UTP11: variants seen among roughly 807,000 people sequenced by gnomAD.
UTP11 encodes the protein probable U3 small nucleolar RNA-associated protein 11.
A neutral mutation model predicts 39.0 loss-of-function variants in UTP11; 29 were observed. The ratio of observed to expected loss-of-function variants is 0.74; its 90% CI spans 0.55 to 1.01. UTP11 has a LOEUF of 1.01. Among genes scored for constraint, UTP11 ranks in the 50% least tolerant of loss-of-function variants. The pLI is 0.00. For missense variants in UTP11, 281 were observed against 306.0 expected, an observed-to-expected ratio of 0.92 and a Z score of 0.61; for synonymous variants, 111 against 105.0, an observed-to-expected ratio of 1.06 and a Z score of -0.35.
intron 4 of UTP11, 85 bp from the exon 5 acceptor site, chr1:38,018,972 GAA>G: frequency 8.8e-7 from 1 of 1,137,440 alleles, no homozygotes; most frequent in Non-Finnish European, 1.2e-6. Context: ...ATAATGATGT[GAA>G]ATGGTTTAAA....
chr1:38,014,929 C>T (rs1646699861), intron 1 of UTP11, among the ~76,000 whole-genome samples: 1 of 152,160 alleles, frequency 6.6e-6, no homozygotes, highest in Non-Finnish European at 1.5e-5. Flanking sequence ...CAAGTGTGAG[C>T]CTGGCCTTAA....
At chr1:38,019,725 C>A (rs566595789) in intron 6 of UTP11, among the ~76,000 whole-genome samples, 1 of 152,132 alleles carries the variant, frequency 6.6e-6, no homozygotes, top group Non-Finnish European at 1.5e-5. Context: ...CTCAGTTGAT[C>A]TGCCTGCCTT....
chr1:38,021,721 T>A (rs1286890836), intron 6 of UTP11, among the ~76,000 whole-genome samples: 1 of 152,030 alleles, frequency 6.6e-6, no homozygotes, highest in Non-Finnish European at 1.5e-5. Context: ...AGTGAAACCC[T>A]GTCTCTACTA....
At chr1:38,016,217 A>T in intron 1 of UTP11, 142 bp from the exon 2 acceptor site, 1 of 779,928 alleles carries the variant, frequency 1.3e-6, no homozygotes, top group Non-Finnish European at 2.1e-6. Flanking sequence ...TGGGGAGGGG[A>T]GGGAACAGGG....
chr1:38,013,740 A>G (rs1356440508), intron 1 of UTP11, among the ~76,000 whole-genome samples: 1 of 151,798 alleles, frequency 6.6e-6, no homozygotes, highest in Non-Finnish European at 1.5e-5. Context: ...TTTGAGATGG[A>G]GTCTCACTCT....
At chr1:38,015,366 A>G (rs183330019) in intron 1 of UTP11, among the ~76,000 whole-genome samples, 65 of 152,294 alleles carry the variant, frequency 4.3e-4, no homozygotes, top group African/African-American at 1.5e-3. Context: ...ATTTCCCAAA[A>G]TGTTAAGATT....
chr1:38,021,306 A>T (rs1384311610), intron 6 of UTP11, among the ~76,000 whole-genome samples: 1 of 152,222 alleles, frequency 6.6e-6, no homozygotes, highest in Admixed American at 6.5e-5. Flanking sequence ...CCAAATTCCC[A>T]TGTAGAATAG....
chr1:38,017,803 G>A (rs749436330), intron 3 of UTP11, 33 bp downstream of exon 3: 65 of 1,533,664 alleles, frequency 4.2e-5, no homozygotes, highest in Non-Finnish European at 5.6e-5. Context: ...GGTGTTTTGA[G>A]CTCCACACAT....
chr1:38,012,812 G>A lies in UTP11; in HGVS notation c.10G>A (p.Ala4Thr). The change falls in exon 1 of 8, where the codon GCT becomes ACT. Residue 4 changes from alanine (A) to threonine (T), a missense_variant. By Grantham distance (58) the Ala-to-Thr change is moderately conservative. Coordinates refer to ENST00000373014, the MANE Select transcript of UTP11 (RefSeq NM_016037.4). ...CCAAGGCTGTACAGACATGGCGGCG[G>A]CTTTTCGGAAGGCGGCTAAGTCCCG... MAA[A>T]FRKAAKSRQR... The A allele has an allele frequency of 1.2e-6, 2 of 1,614,224 alleles. No individual in the cohort carries two copies. The highest frequency in any genetic ancestry group is 2.2e-5 in the East Asian group (1 of 44,886).
chr1:38,023,656 G>C lies in UTP11; in HGVS notation c.*28G>C, dbSNP rs776238235. ...TGTTATAGATAAGCCTTGTCATTCT[G>C]TATCAAAAATCTGTTGTCGTTTTCT... On this transcript the variant is annotated 3_prime_UTR_variant, in exon 8 of 8. Transcript: ENST00000373014. 3 of 1,576,720 alleles carry C rather than the reference G, an allele frequency of 1.9e-6. No individual in the cohort carries two copies. The South Asian group carries it at 3.6e-5, about 19-fold the overall frequency.
At chr1:38,016,626 T>A (rs1414071300) in intron 2 of UTP11, 1 of 550,236 alleles carries the variant, frequency 1.8e-6, no homozygotes, top group East Asian at 3.1e-5. Flanking sequence ...TAACTGTAGT[T>A]GCATTGTGAA....
chr1:38,018,901 C>T (rs1032785311), intron 4 of UTP11, among the ~76,000 whole-genome samples, 158 bp from the exon 5 acceptor site: 2 of 152,110 alleles, frequency 1.3e-5, no homozygotes, highest in Admixed American at 6.5e-5. Flanking sequence ...TAGCCCAATA[C>T]CTGATATTTG....
intron 1 of UTP11, among the ~76,000 whole-genome samples, chr1:38,014,740 A>G (rs1424266259): frequency 6.6e-6 from 1 of 152,004 alleles, no homozygotes; most frequent in African/African-American, 2.4e-5. Context: ...CACTCAAGCC[A>G]TTCTTTTGCC....
intron 7 of UTP11, 32 bp from the exon 8 acceptor site, chr1:38,023,508 CCTTCT>C: frequency 6.4e-7 from 1 of 1,570,734 alleles, no homozygotes; most frequent in Non-Finnish European, 8.6e-7. Flanking sequence ...AAAACCATTT[CCTTCT>C]CTTTACTGAT....
intron 6 of UTP11, among the ~76,000 whole-genome samples, chr1:38,021,071 G>A (rs1283988790): frequency 6.6e-6 from 1 of 152,022 alleles, no homozygotes; most frequent in African/African-American, 2.4e-5. Context: ...ACAGGTGCCC[G>A]CCACCACGCC....
At position 38,024,818 on chromosome 1, in the gene UTP11, T is replaced by C. The variant is rs1646756839; in HGVS notation, c.*1190T>C. ...ACGTTAAAATAAATATTATTTTTAA[T>C]GATTGCATAGTGTTTTATCTAGTGG... On this transcript the variant is annotated 3_prime_UTR_variant, in exon 8 of 8. Transcript: ENST00000373014. 6.6e-6 allele frequency: 1 copy of C among 152,256 alleles called. No homozygotes were observed. 9.4% of individuals were successfully genotyped at this position (152,256 alleles called of 1,614,324 possible).
At chr1:38,018,911 G>A in intron 4 of UTP11, 148 bp from the exon 5 acceptor site, 1 of 719,438 alleles carries the variant, frequency 1.4e-6, no homozygotes, top group South Asian at 2.0e-5. Flanking sequence ...CCTGATATTT[G>A]TTGGGATCCT....
At position 38,023,846 on chromosome 1, in the gene UTP11, A is replaced by T; in HGVS notation, c.*218A>T. ...AATTAGTCTTATTTTTATATACTTAATTTTTTTTTTCTTTGAGATAGGGTC... is the reference window on the plus strand; with the variant it reads ...AATTAGTCTTATTTTTATATACTTATTTTTTTTTTTCTTTGAGATAGGGTC... On this transcript the variant is annotated 3_prime_UTR_variant, in exon 8 of 8. Coordinates refer to ENST00000373014, the MANE Select transcript of UTP11 (RefSeq NM_016037.4). 3 of 363,402 alleles carry T rather than the reference A, an allele frequency of 8.3e-6. No homozygotes were observed. Among genetic ancestry groups the T allele is most frequent in the South Asian group, 6.5e-5 (1 of 15,298 alleles). 22.5% of individuals were successfully genotyped at this position (363,402 alleles called of 1,614,324 possible). A position where few individuals can be genotyped will look rare whatever the true frequency, so the allele number is the denominator to read the frequency against.
chr1:38,019,876 G>A (rs116678255), intron 6 of UTP11, among the ~76,000 whole-genome samples: 1 of 152,260 alleles, frequency 6.6e-6, no homozygotes, highest in African/African-American at 2.4e-5. Flanking sequence ...GTGGAGAAGG[G>A]CTTCCTAATT....
Sources: allele counts gnomAD v4.1 joint callset (sites outside exome capture counted in the v4.1 genomes callset), GRCh38; gene constraint gnomAD v4.1.1; transcripts MANE v1.5; gene names NCBI Gene and HGNC (gene_info 2026-07-23, HGNC 2026-07-21).